Variants in PCDHGA5 observed in about 807,000 individuals in gnomAD.
The protein encoded by PCDHGA5 is protocadherin gamma-A5.
PCDHGA5 carries 36 observed loss-of-function variants against 56.7 expected under a neutral mutation model. That is an observed-to-expected ratio of 0.64 (90% CI 0.49 to 0.84). The LOEUF (loss-of-function observed/expected upper bound fraction) is 0.84. Among genes scored for constraint, PCDHGA5 ranks in the 40% least tolerant of loss-of-function variants. PCDHGA5 has a pLI of 0.00. For synonymous variants in PCDHGA5, 563 were observed against 520.2 expected (o/e 1.08, Z -1.12); for missense variants, 1,305 against 1,201.5 (o/e 1.09, Z -1.27).
At chr5:141,469,511 G>T (rs2099203340) in intron 1 of PCDHGA5, among the ~76,000 whole-genome samples, 2 of 152,038 alleles carry the variant, frequency 1.3e-5, no homozygotes, top group South Asian at 2.1e-4. Flanking sequence ...GGAGGTGGAG[G>T]TTGCAGTGAG....
intron 1 of PCDHGA5, chr5:141,422,453 G>GA: frequency 6.2e-7 from 1 of 1,611,704 alleles, no homozygotes. Context: ...ATAACAAGCA[G>GA]AGTGCTGGAC....
chr5:141,392,802 A>G (rs2092597829), intron 1 of PCDHGA5: 7 of 1,572,582 alleles, frequency 4.5e-6, no homozygotes, highest in Non-Finnish European at 6.0e-6. Context: ...AGGATTCTGC[A>G]GCAAAACAAC....
Position 141,489,090 on chromosome 5 carries a change from C to CAAA in PCDHGA5, c.2422-5717_2422-5716insAAA. ...CCTGCCCACCCCCGCCACTCGGTGA[C>CAAA]TAAGAACTGCTGCAAGCAGGCAAAC... is the stretch of plus-strand genomic sequence containing the variant. On this transcript the variant is annotated intron_variant, in intron 1 of 3. Transcript: ENST00000518069. The surrounding 1 kb of genome is among the most constrained non-coding windows in gnomAD (Gnocchi z 4.5). 7 of 328,768 alleles carry CAAA rather than the reference C, an allele frequency of 2.1e-5. No homozygotes were observed. The highest frequency in any genetic ancestry group is 6.1e-5 in the Admixed American group (1 of 16,494). The allele number at this position is 328,768 out of a possible 1,614,324, so 20.4% of individuals were successfully genotyped here. A position where few individuals can be genotyped will look rare whatever the true frequency, so the allele number is the denominator to read the frequency against.
In PCDHGA5 at chr5:141,364,811, G is replaced by A. The variant is rs1239930592; in HGVS notation, c.481G>A (p.Asp161Asn). Residue 161 changes from aspartate to asparagine, a missense_variant, in exon 1 of 4, where the codon GAT (aspartate) becomes AAT (asparagine). By Grantham distance (23) the Asp-to-Asn change is conservative. Transcript: ENST00000518069. ...RLVLPFARDA[D>N]VGVNSLRSYQ... is the part of the protein sequence containing the mutation. The stretch of plus-strand genomic sequence containing the variant: ...AGTGCTTCCCTTCGCGCGGGATGCG[G>A]ATGTGGGTGTGAACTCTCTCCGGAG... 1 of 1,613,902 alleles carries A rather than the reference G, an allele frequency of 6.2e-7. No individual in the cohort carries two copies. The highest frequency in any genetic ancestry group is 8.5e-7 in the Non-Finnish European group (1 of 1,179,914).
chr5:141,408,290 A>T (rs767669019), intron 1 of PCDHGA5: 80 of 1,613,008 alleles, frequency 5.0e-5, no homozygotes, highest in Non-Finnish European at 6.1e-5. Context: ...CCCCACCCTG[A>T]GTGAGCCGAT....
chr5:141,413,804 C>A, intron 1 of PCDHGA5: 7 of 1,613,194 alleles, frequency 4.3e-6, no homozygotes, highest in Non-Finnish European at 5.9e-6. Context: ...GAGGAAGAGG[C>A]CATTCACCAC....
In PCDHGA5 at chr5:141,429,386, T is replaced by A. The variant is rs534045300; in HGVS notation, c.2421+62635T>A. Among the ~76,000 whole-genome samples the A allele has an allele frequency of 4.0e-3, 602 of 151,936 alleles. 6 individuals carry two copies. The highest frequency in any genetic ancestry group is 0.011 in the Admixed American group (171 of 15,268). On this transcript the variant is annotated intron_variant, in intron 1 of 3. Coordinates refer to ENST00000518069, the MANE Select transcript of PCDHGA5 (RefSeq NM_018918.3). ...AAAATGGAGAAAATGTGTTTTTTTTTTAAAAAAAATTGAGATTAAGGTCTC... is the reference window on the plus strand; with the variant it reads ...AAAATGGAGAAAATGTGTTTTTTTTATAAAAAAAATTGAGATTAAGGTCTC...
chr5:141,502,862 C>T (rs2099816351), intron 2 of PCDHGA5, among the ~76,000 whole-genome samples: 1 of 68,558 alleles, frequency 1.5e-5, no homozygotes, highest in African/African-American at 1.0e-4. Context: ...CCCTGACTCT[C>T]TGTCTTTTTT....
intron 1 of PCDHGA5, among the ~76,000 whole-genome samples, chr5:141,483,014 G>A (rs1401419953): frequency 1.3e-5 from 2 of 152,184 alleles, no homozygotes; most frequent in Non-Finnish European, 2.9e-5. Context: ...GAACCCGGGA[G>A]GCAGAGGTTG....
chr5:141,494,439 C>T (rs1009257996), intron 1 of PCDHGA5, among the ~76,000 whole-genome samples: 1 of 152,126 alleles, frequency 6.6e-6, no homozygotes, highest in Non-Finnish European at 1.5e-5. Flanking sequence ...CCTCCTTTGC[C>T]ACTTTAGGGG....
At chr5:141,384,276 C>T (rs1333595693) in intron 1 of PCDHGA5, 1 of 1,613,888 alleles carries the variant, frequency 6.2e-7, no homozygotes, top group South Asian at 1.1e-5. Context: ...CCTACTCAGT[C>T]TACATCGCTG....
At position 141,485,240 on chromosome 5, in the gene PCDHGA5, C is replaced by G; in HGVS notation, c.2422-9567C>G. On this transcript the variant is annotated intron_variant, in intron 1 of 3. Coordinates refer to ENST00000518069, the MANE Select transcript of PCDHGA5 (RefSeq NM_018918.3). This position sits in a 1 kb window ranked among gnomAD's most constrained non-coding sequence, Gnocchi z 5.7. The stretch of plus-strand genomic sequence containing the variant: ...GGCTACCCTTTTGTTCCTCTTTTAC[C>G]ACCTGGGTTACGTTTGTGGGCAGAT... The G allele has an allele frequency of 6.2e-7, 1 of 1,614,174 alleles. No individual in the cohort carries two copies. The highest frequency in any genetic ancestry group is 8.5e-7 in the Non-Finnish European group (1 of 1,180,024).
intron 1 of PCDHGA5, among the ~76,000 whole-genome samples, chr5:141,380,385 A>G (rs543895642): frequency 3.0e-4 from 46 of 152,380 alleles, no homozygotes; most frequent in Non-Finnish European, 8.8e-5. Context: ...AAAAAAGAAA[A>G]GAGAGAAGAT....
intron 1 of PCDHGA5, chr5:141,405,052 C>A (rs182635391): frequency 2.0e-4 from 329 of 1,613,956 alleles, no homozygotes; most frequent in Non-Finnish European, 2.5e-4. Flanking sequence ...TGGCAGTCGT[C>A]TCCTGTGTCT....
chr5:141,381,828 T>TTC (rs1777612038), intron 1 of PCDHGA5, among the ~76,000 whole-genome samples: 1 of 112,014 alleles, frequency 8.9e-6, no homozygotes, highest in Non-Finnish European at 1.8e-5. Context: ...TTCTTCTTCT[T>TTC]TTTTTTTTTT....
chr5:141,432,428 G>C lies in PCDHGA5; in HGVS notation c.2422-62379G>C. 6.2e-7 allele frequency: 1 copy of C among 1,614,232 alleles called. No homozygotes were observed. On this transcript the variant is annotated intron_variant, in intron 1 of 3. Coordinates refer to ENST00000518069, the MANE Select transcript of PCDHGA5 (RefSeq NM_018918.3). The surrounding 1 kb of genome is among the most constrained non-coding windows in gnomAD (Gnocchi z 6.0). ...GAGCCTGTTCGTGCTGGACCAGAAC[G>C]ACAATGCGCCCGAGATCCTGTACCC...
At chr5:141,399,947 C>G in intron 1 of PCDHGA5, 1 of 1,612,228 alleles carries the variant, frequency 6.2e-7, no homozygotes. Context: ...GTGCTGCAGG[C>G]TAGCGAGCCC....
At position 141,510,979 on chromosome 5, in the gene PCDHGA5, G is replaced by T; in HGVS notation, c.2602G>T (p.Gly868Cys). 3.7e-6 allele frequency: 6 copies of T among 1,614,156 alleles called. No individual in the cohort carries two copies. Among genetic ancestry groups the T allele is most frequent in the Non-Finnish European group, 4.2e-6 (5 of 1,180,018 alleles). Residue 868 changes from glycine to cysteine, a missense_variant, in exon 4 of 4, where the codon GGT becomes TGT. Gly to Cys is a radical substitution (Grantham distance 159). Coordinates refer to ENST00000518069, the MANE Select transcript of PCDHGA5 (RefSeq NM_018918.3). ...TGATGGGAGCTCCACCCTGGGAGGGGGTGCCGGCACCATGGGATTGAGCGC... is the reference window on the plus strand; with the variant it reads ...TGATGGGAGCTCCACCCTGGGAGGGTGTGCCGGCACCATGGGATTGAGCGC... Reference protein sequence around the residue: ...AADGSSTLGGGAGTMGLSARY... With the variant: ...AADGSSTLGGCAGTMGLSARY...
intron 1 of PCDHGA5, among the ~76,000 whole-genome samples, chr5:141,482,410 T>G (rs1054330181): frequency 2.3e-4 from 35 of 151,890 alleles, no homozygotes; most frequent in Non-Finnish European, 1.0e-4. Flanking sequence ...AATAACTATT[T>G]GTTGAACTAA....
Sources: allele counts gnomAD v4.1 joint callset (sites outside exome capture counted in the v4.1 genomes callset), GRCh38; gene constraint gnomAD v4.1.1; non-coding constraint Gnocchi (gnomAD v3.1); transcripts MANE v1.5; gene names NCBI Gene and HGNC (gene_info 2026-07-23, HGNC 2026-07-21).